The following HLA-DQB2 variants were observed in gnomAD, a reference collection of about 807,000 sequenced individuals.
HLA-DQB2 encodes the protein HLA class II histocompatibility antigen, DQ beta 2 chain.
Under a neutral mutation model 29.2 loss-of-function variants are expected in HLA-DQB2, and 24 were observed. The observed-to-expected ratio is 0.82, with a 90% CI of 0.60 to 1.16. The LOEUF is 1.16. Ranked by LOEUF, HLA-DQB2 falls within the 50% of genes most tolerant of loss-of-function variation. The probability of loss-of-function intolerance (pLI) is 0.00; values close to 1 mark genes in which losing one functional copy is unlikely to be tolerated. For missense variants in HLA-DQB2, 273 were observed against 343.6 expected (o/e 0.79, Z 1.62); for synonymous variants, 104 against 133.1 (o/e 0.78, Z 1.51).
At chr6:32,757,431 T>C in intron 4 of HLA-DQB2, 127 bp from the exon 5 acceptor site, 1 of 738,698 alleles carries the variant, frequency 1.4e-6, no homozygotes, top group Non-Finnish European at 2.3e-6. Flanking sequence ...CTTTAAGTCC[T>C]TAAGCACCCT....
At chr6:32,761,977 A>G in intron 1 of HLA-DQB2, 51 bp from the exon 2 acceptor site, 1 of 1,567,788 alleles carries the variant, frequency 6.4e-7, no homozygotes, top group Non-Finnish European at 8.6e-7. Context: ...CCCTAGCCCC[A>G]GCCCCCAGCC....
intron 2 of HLA-DQB2, among the ~76,000 whole-genome samples, chr6:32,759,661 T>C (rs1434140853): frequency 2.1e-5 from 3 of 144,434 alleles, no homozygotes; most frequent in African/African-American, 5.1e-5. Context: ...TCCTGCTTTT[T>C]CTTAATTTCC....
chr6:32,756,331 G>A lies in HLA-DQB2; in HGVS notation c.*122C>T. The A allele has an allele frequency of 2.8e-6, 2 of 703,622 alleles. No individual in the cohort carries two copies. Among genetic ancestry groups the A allele is most frequent in the Non-Finnish European group, 2.6e-6 (1 of 386,388 alleles). 43.6% of individuals were successfully genotyped at this position (703,622 alleles called of 1,614,324 possible). On this transcript the variant is annotated 3_prime_UTR_variant, in exon 6 of 6. Coordinates refer to ENST00000437316, the MANE Select transcript of HLA-DQB2 (RefSeq NM_001300790.2). ...CACAGAAGGTGACCTGTGGCTGCATGAGCCACTGTAGGACTCTGACCTCAG... is the reference window on the plus strand; with the variant it reads ...CACAGAAGGTGACCTGTGGCTGCATAAGCCACTGTAGGACTCTGACCTCAG...
intron 2 of HLA-DQB2, among the ~76,000 whole-genome samples, chr6:32,759,548 A>G (rs7753017): frequency 0.62 from 93,657 of 151,566 alleles, 29,303 homozygotes; most frequent in East Asian, 0.81. Flanking sequence ...CTTAACCTTT[A>G]CCTCTCTGGC....
Position 32,757,783 on chromosome 6 carries a change from C to A in HLA-DQB2, c.747G>T (p.Arg249Ser), listed in dbSNP as rs779303788. Residue 249 changes from arginine (R) to serine (S), a missense_variant, in exon 4 of 6, where the codon AGG becomes AGT. Transcript: ENST00000437316. ...CCTTGGGTTCCTCACCTTTCTGACC[C>A]CTGTGACGGATGATAAGGCCCAGCC... Reference protein sequence around the residue: ...FLGLGLIIRHRGQKGPRGPPP... With the variant: ...FLGLGLIIRHSGQKGPRGPPP... 2 of 1,612,498 alleles carry A rather than the reference C, an allele frequency of 1.2e-6. No individual in the cohort carries two copies. The highest frequency in any genetic ancestry group is 1.7e-6 in the Non-Finnish European group (2 of 1,179,488).
chr6:32,756,596 C>G, intron 5 of HLA-DQB2, 130 bp from the exon 6 acceptor site: 1 of 1,471,196 alleles, frequency 6.8e-7, no homozygotes, highest in South Asian at 1.5e-5. Context: ...TCATCACGTT[C>G]CCCAATATCT....
Position 32,763,515 on chromosome 6 carries a change from A to C in HLA-DQB2, c.-45T>G. The C allele has an allele frequency of 8.0e-7, 1 of 1,251,854 alleles. No homozygotes were observed. The highest frequency in any genetic ancestry group is 1.1e-6 in the Non-Finnish European group (1 of 873,014). The allele number at this position is 1,251,854 out of a possible 1,614,324, so 77.5% of individuals were successfully genotyped here. Reference sequence around the variant, plus strand: ...ACCAAGGAAAAAGCAGTGGTAGTCAACACAGCTCAAACCTAATGGATCTTA... The same window carrying C: ...ACCAAGGAAAAAGCAGTGGTAGTCACCACAGCTCAAACCTAATGGATCTTA... On this transcript the variant is annotated 5_prime_UTR_variant, in exon 1 of 6. Transcript: ENST00000437316.
intron 5 of HLA-DQB2, 21 bp from the exon 6 acceptor site, chr6:32,756,487 A>G: frequency 6.4e-7 from 1 of 1,569,316 alleles, no homozygotes; most frequent in East Asian, 2.3e-5. Context: ...GAGACGAGGC[A>G]TGATCAGCAC....
At chr6:32,758,021 G>A in intron 3 of HLA-DQB2, 138 bp from the exon 4 acceptor site, 1 of 660,166 alleles carries the variant, frequency 1.5e-6, no homozygotes. Flanking sequence ...GTAGGTCTTT[G>A]GACACAATAG....
Position 32,759,260 on chromosome 6 carries a change from G to C in HLA-DQB2, c.365-129C>G, listed in dbSNP as rs999024927. On this transcript the variant is annotated intron_variant, in intron 2 of 5. Coordinates refer to ENST00000437316, the MANE Select transcript of HLA-DQB2 (RefSeq NM_001300790.2). ...ACCTGGAGTCCAAGTCTTGGATTAA[G>C]GTTCCTTCAACAAATATAAATTTGA... 10 of 1,161,270 alleles carry C rather than the reference G, an allele frequency of 8.6e-6. No individual in the cohort carries two copies. The African/African-American group carries it at 1.6e-4, about 18-fold the overall frequency. 71.9% of individuals were successfully genotyped at this position (1,161,270 alleles called of 1,614,324 possible).
intron 1 of HLA-DQB2, among the ~76,000 whole-genome samples, chr6:32,762,171 A>G (rs973290785): frequency 2.5e-4 from 38 of 152,218 alleles, no homozygotes; most frequent in African/African-American, 8.4e-4. Context: ...TAGGGAGGTA[A>G]GAGGGAAAGC....
chr6:32,760,524 G>C (rs1764690497), intron 2 of HLA-DQB2, among the ~76,000 whole-genome samples: 1 of 152,086 alleles, frequency 6.6e-6, no homozygotes, highest in South Asian at 2.1e-4. Flanking sequence ...ACATAACTTA[G>C]ATGGTGTTTG....
chr6:32,756,701 T>C, intron 5 of HLA-DQB2: 2 of 1,327,700 alleles, frequency 1.5e-6, no homozygotes, highest in Non-Finnish European at 1.9e-6. Context: ...CTGGGTAATA[T>C]GAAGAGTTTG....
chr6:32,762,989 A>C (rs1267372099), intron 1 of HLA-DQB2, among the ~76,000 whole-genome samples: 1 of 152,218 alleles, frequency 6.6e-6, no homozygotes, highest in African/African-American at 2.4e-5. Context: ...CAATACAGAG[A>C]CTACAGACAC....
chr6:32,758,344 C>T (rs1225925088), intron 3 of HLA-DQB2, among the ~76,000 whole-genome samples: 1 of 152,144 alleles, frequency 6.6e-6, no homozygotes, highest in Admixed American at 6.5e-5. Flanking sequence ...TGTAAAACTG[C>T]GTAGCACCAA....
chr6:32,761,802 C>A lies in HLA-DQB2; in HGVS notation c.222G>T (p.Glu74Asp), dbSNP rs1203289954. Reference sequence around the variant, plus strand: ...GCCCCAGCTCGGTCACCGCCTGGAACTCCCCAACGTCGCTGTCGAAGCGCC... The same window carrying A: ...GCCCCAGCTCGGTCACCGCCTGGAAATCCCCAACGTCGCTGTCGAAGCGCC... ...EYGRFDSDVG[E>D]FQAVTELGRS... is the part of the protein sequence containing the mutation. Residue 74 changes from glutamate to aspartate, a missense_variant, in exon 2 of 6, where the codon GAG becomes GAT. Transcript: ENST00000437316. 3.1e-6 allele frequency: 5 copies of A among 1,597,662 alleles called. No homozygotes were observed. The African/African-American group carries it at 5.4e-5, about 17-fold the overall frequency.
intron 5 of HLA-DQB2, chr6:32,756,710 TG>T (rs2113914511): frequency 7.7e-7 from 1 of 1,293,860 alleles, no homozygotes; most frequent in Non-Finnish European, 9.7e-7. Context: ...ATGAAGAGTT[TG>T]ATTTTTTTAG....
chr6:32,761,474 C>T (rs539543879), intron 2 of HLA-DQB2, among the ~76,000 whole-genome samples, 186 bp downstream of exon 2: 2 of 150,120 alleles, frequency 1.3e-5, no homozygotes, highest in African/African-American at 4.9e-5. Context: ...TTTTGTGCAT[C>T]CCCCTGCTCT....
At chr6:32,758,255 T>C (rs1490392983) in intron 3 of HLA-DQB2, among the ~76,000 whole-genome samples, 1 of 152,220 alleles carries the variant, frequency 6.6e-6, no homozygotes, top group Non-Finnish European at 1.5e-5. Context: ...GGGAGGTGAC[T>C]GGATCATTAG....
Sources: gnomAD v4.1 joint callset for allele counts (sites outside exome capture counted in the v4.1 genomes callset) on GRCh38, gnomAD v4.1.1 for gene constraint, MANE v1.5 for transcripts, NCBI Gene and HGNC (gene_info 2026-07-23, HGNC 2026-07-21) for gene names.